SLC4A1AP: variants seen among roughly 807,000 people sequenced by gnomAD.
SLC4A1AP encodes the protein solute carrier family 4 member 1 adaptor protein, also known as kanadaptin.
In SLC4A1AP, 64 loss-of-function variants were observed where a neutral mutation model predicts 89.7. That is an observed-to-expected ratio of 0.71 (90% CI 0.58 to 0.88). SLC4A1AP has a LOEUF of 0.88. SLC4A1AP is among the 40% of genes least tolerant of loss of function. The pLI, the probability that SLC4A1AP is intolerant of heterozygous loss-of-function variation, is 0.00. For synonymous variants in SLC4A1AP, 366 were observed against 353.3 expected (o/e 1.04, Z -0.40); for missense variants, 931 against 965.0 (o/e 0.96, Z 0.47).
Position 27,663,953 on chromosome 2 carries a change from GC to G in SLC4A1AP, c.202del (p.Gln68LysfsTer102). The G allele has an allele frequency of 6.2e-7, 1 of 1,614,124 alleles. No individual in the cohort carries two copies. The highest frequency in any genetic ancestry group is 8.5e-7 in the Non-Finnish European group (1 of 1,180,040). ...TCTCTCAGTCAGAGACCCTGGCGTC[GC>G]AAGACCTCAGTGGGGACTTCAAGAA... On this transcript the variant is annotated frameshift_variant, in exon 1 of 14. Coordinates refer to ENST00000613058, the Ensembl canonical transcript of SLC4A1AP. LOFTEE classifies it high-confidence loss of function.
chr2:27,692,967 C>T (rs949723510), intron 12 of SLC4A1AP: 1 of 150,788 alleles, frequency 6.6e-6, no homozygotes, highest in Non-Finnish European at 1.5e-5. Context: ...GACGGAATCT[C>T]GCTCTGTAGC....
intron 8 of SLC4A1AP, among the ~76,000 whole-genome samples, chr2:27,680,961 G>A (rs1675609678): frequency 6.6e-6 from 1 of 151,790 alleles, no homozygotes; most frequent in African/African-American, 2.4e-5. Flanking sequence ...TGGTCTAGAT[G>A]TGTATCTTCT....
rs553710785 is a variant in SLC4A1AP at position 27,675,826 on chromosome 2, G to C, written c.1506+134G>C. On this transcript the variant is annotated intron_variant, in intron 6 of 13. Transcript: ENST00000613058. ...AATCTGATACTGAAGTATAACTTTT[G>C]TGGTCTGTTAATTTAATGGTAACAG... 54 of 571,470 alleles carry C rather than the reference G, an allele frequency of 9.4e-5. No homozygotes were observed. The Middle Eastern group carries it at 2.7e-3, about 28-fold the overall frequency. 35.4% of individuals were successfully genotyped at this position (571,470 alleles called of 1,614,324 possible). A position where few individuals can be genotyped will look rare whatever the true frequency, so the allele number is the denominator to read the frequency against.
chr2:27,686,927 G>A (rs1250443316), intron 10 of SLC4A1AP, among the ~76,000 whole-genome samples: 1 of 152,096 alleles, frequency 6.6e-6, no homozygotes, highest in Non-Finnish European at 1.5e-5. Context: ...GAGTACTGTG[G>A]TGTGATCTTG....
intron 9 of SLC4A1AP, among the ~76,000 whole-genome samples, chr2:27,684,483 C>T (rs1481375995): frequency 6.6e-6 from 1 of 150,534 alleles, no homozygotes; most frequent in Non-Finnish European, 1.5e-5. Context: ...TCCCTCTATT[C>T]CATAACTGTG....
chr2:27,664,765 G>A (rs191818627), intron 1 of SLC4A1AP, among the ~76,000 whole-genome samples, 188 bp downstream of exon 1: 195 of 152,226 alleles, frequency 1.3e-3, no homozygotes, highest in African/African-American at 4.3e-3. Context: ...TCACAATCCC[G>A]AACTCTAAAA....
intron 9 of SLC4A1AP, 47 bp downstream of exon 9, chr2:27,682,406 C>T (rs753155524): frequency 2.5e-6 from 3 of 1,180,520 alleles, no homozygotes; most frequent in Non-Finnish European, 2.5e-6. Context: ...TGAGTTATCC[C>T]TGAGCTAATT....
At chr2:27,684,845 TAA>T (rs1675678525) in intron 9 of SLC4A1AP, among the ~76,000 whole-genome samples, 190 bp from the exon 10 acceptor site, 1 of 152,204 alleles carries the variant, frequency 6.6e-6, no homozygotes, top group African/African-American at 2.4e-5. Context: ...TAGGAACTAA[TAA>T]AGACACTTGT....
chr2:27,669,457 T>C lies in SLC4A1AP; in HGVS notation c.1345+70T>C, dbSNP rs77188057. 5.0e-3 allele frequency: 6,811 copies of C among 1,364,776 alleles called. 283 individuals are homozygous for C. In the African/African-American group the frequency reaches 0.09, roughly 18 times the overall value. The allele number at this position is 1,364,776 out of a possible 1,614,324, so 84.5% of individuals were successfully genotyped here. A position where few individuals can be genotyped will look rare whatever the true frequency, so the allele number is the denominator to read the frequency against. ...AACTCAACACAAACGCTAATAAAAC[T>C]TCTTTATGGGGGGAAAATGTAAATT... On this transcript the variant is annotated intron_variant, in intron 5 of 13. Coordinates refer to ENST00000613058, the Ensembl canonical transcript of SLC4A1AP.
intron 7 of SLC4A1AP, among the ~76,000 whole-genome samples, 161 bp downstream of exon 7, chr2:27,677,525 T>C (rs1339154018): frequency 6.6e-6 from 1 of 152,188 alleles, no homozygotes; most frequent in Non-Finnish European, 1.5e-5. Flanking sequence ...AATCATTTGG[T>C]TTAACCTCTT....
chr2:27,674,028 G>C (rs958719922), intron 5 of SLC4A1AP, among the ~76,000 whole-genome samples: 2 of 146,662 alleles, frequency 1.4e-5, no homozygotes, highest in Non-Finnish European at 3.0e-5. Flanking sequence ...GTGTGTGTGT[G>C]TGTCTGTGAG....
Position 27,675,615 on chromosome 2 carries a change from C to T in SLC4A1AP, c.1429C>T (p.Leu477=), listed in dbSNP as rs776298712. Residue 477 remains leucine, a synonymous_variant, in exon 6 of 14, where the codon CTG becomes TTG. Transcript: ENST00000613058. ...TGACACATTTCTTGATAGGACTGGC[C>T]TGATTGAGAAGAAGCGTCTGAACAG... The T allele has an allele frequency of 8.1e-6, 13 of 1,611,360 alleles. No individual in the cohort carries two copies. In the Admixed American group the frequency reaches 2.0e-4, roughly 25 times the overall value.
At chr2:27,682,489 T>G in intron 9 of SLC4A1AP, 130 bp downstream of exon 9, 9 of 550,616 alleles carry the variant, frequency 1.6e-5, no homozygotes, top group Non-Finnish European at 1.9e-5. Flanking sequence ...GGGCTTGGTA[T>G]GATCACATCT....
intron 10 of SLC4A1AP, among the ~76,000 whole-genome samples, chr2:27,686,873 A>G (rs1233236663): frequency 6.6e-6 from 1 of 152,116 alleles, no homozygotes; most frequent in African/African-American, 2.4e-5. Context: ...TTACTTTAAT[A>G]TTTACTTTTA....
intron 11 of SLC4A1AP, among the ~76,000 whole-genome samples, chr2:27,688,359 A>G (rs761659468): frequency 2.6e-5 from 4 of 152,204 alleles, no homozygotes; most frequent in Non-Finnish European, 2.9e-5. Flanking sequence ...TTCCAAAACT[A>G]TCTTAAAAGA....
chr2:27,688,724 G>T (rs768338918), exon 12 of SLC4A1AP: 1 of 1,604,184 alleles, frequency 6.2e-7, no homozygotes, highest in Admixed American at 1.7e-5. Context: ...TATGAGAAAA[G>T]CAGAGGTGAA....
chr2:27,678,018 A>G, intron 8 of SLC4A1AP, 94 bp downstream of exon 8: 3 of 843,374 alleles, frequency 3.6e-6, no homozygotes, highest in Non-Finnish European at 5.3e-6. Flanking sequence ...ATCATTATAT[A>G]ATACAAATGT....
At position 27,665,161 on chromosome 2, in the gene SLC4A1AP, G is replaced by A. The variant is rs142838727; in HGVS notation, c.887G>A (p.Arg296His). The change falls in exon 2 of 14, where the codon CGC (arginine) becomes CAC (histidine). Residue 296 changes from arginine (R) to histidine (H), a missense_variant. By Grantham distance (29) the Arg-to-His change is conservative. Coordinates refer to ENST00000613058, the Ensembl canonical transcript of SLC4A1AP. ...ACAGTAACACAGTTGAAGGAATTGC[G>A]CAAGCAGCAGCAAATATTGTTGGAG... The A allele has an allele frequency of 3.6e-5, 58 of 1,613,610 alleles. No individual in the cohort carries two copies. Among genetic ancestry groups the A allele is most frequent in the African/African-American group, 2.4e-4 (18 of 74,872 alleles).
chr2:27,680,644 C>G (rs1046530674), intron 8 of SLC4A1AP, among the ~76,000 whole-genome samples: 7 of 151,810 alleles, frequency 4.6e-5, no homozygotes, highest in Non-Finnish European at 1.5e-5. Context: ...AAAAACTTAG[C>G]TGGGTATGGT....
Sources: allele counts gnomAD v4.1 joint callset (sites outside exome capture counted in the v4.1 genomes callset), GRCh38; gene constraint gnomAD v4.1.1; transcripts MANE v1.5; gene names NCBI Gene and HGNC (gene_info 2026-07-23, HGNC 2026-07-21).